The following DLGAP2 variants were observed in gnomAD, a reference collection of about 807,000 sequenced individuals.
DLGAP2 encodes the protein DLG associated protein 2, also known as disks large-associated protein 2.
DLGAP2 carries 26 observed loss-of-function variants against 100.3 expected under a neutral mutation model. That is an observed-to-expected ratio of 0.26 (90% CI 0.19 to 0.36). The LOEUF is 0.36. Among genes scored for constraint, DLGAP2 ranks in the 10% least tolerant of loss-of-function variants. The pLI is 1.00. For synonymous variants in DLGAP2, 886 were observed against 630.1 expected, an observed-to-expected ratio of 1.41 and a Z score of -6.08; for missense variants, 1,858 against 1,453.2, an observed-to-expected ratio of 1.28 and a Z score of -4.53.
intron 2 of DLGAP2, chr8:1,250,493 C>T (rs1799015118): frequency 6.6e-6 from 1 of 152,152 alleles, no homozygotes; most frequent in Non-Finnish European, 1.5e-5. Flanking sequence ...GAATGAATGT[C>T]TTCTCTGAGG....
chr8:1,070,143 G>A (rs1312807309), intron 2 of DLGAP2, among the ~76,000 whole-genome samples: 1 of 152,204 alleles, frequency 6.6e-6, no homozygotes, highest in Admixed American at 6.5e-5. Context: ...GGCATCTTGT[G>A]CACCTCTTTG....
intron 2 of DLGAP2, among the ~76,000 whole-genome samples, chr8:916,277 C>G (rs1281271767): frequency 6.6e-6 from 1 of 152,218 alleles, no homozygotes; most frequent in Admixed American, 6.5e-5. Flanking sequence ...GACACCAATG[C>G]TGATGTCACT....
chr8:1,447,052 A>G (rs1219502726), intron 3 of DLGAP2, among the ~76,000 whole-genome samples: 2 of 152,180 alleles, frequency 1.3e-5, no homozygotes, highest in African/African-American at 4.8e-5. Context: ...GGACAATTTG[A>G]CTTCCTCTTT....
At chr8:1,606,758 C>T (rs1010513859) in intron 6 of DLGAP2, among the ~76,000 whole-genome samples, 9 of 152,202 alleles carry the variant, frequency 5.9e-5, no homozygotes, top group African/African-American at 1.9e-4. Flanking sequence ...TCTCGGCTCA[C>T]TACAACCTCC....
At position 1,552,355 on chromosome 8, in the gene DLGAP2, T is replaced by G. The variant is rs140612614; in HGVS notation, c.1230+2672T>G. On this transcript the variant is annotated intron_variant, in intron 5 of 14. Transcript: ENST00000637795. ...ACATCCGCCTCCCAGTGAAACCACCTCTTCGGGGCATGCAGCTCGGTGACT... is the reference window on the plus strand; with the variant it reads ...ACATCCGCCTCCCAGTGAAACCACCGCTTCGGGGCATGCAGCTCGGTGACT... 1.0e-3 allele frequency among the ~76,000 whole-genome samples: 153 copies of G among 152,326 alleles called. 1 individual carries two copies. The South Asian group carries it at 0.01, about 10-fold the overall frequency.
chr8:1,086,686 G>A, intron 2 of DLGAP2, among the ~76,000 whole-genome samples: 1 of 151,958 alleles, frequency 6.6e-6, no homozygotes, highest in South Asian at 2.1e-4. Flanking sequence ...ATGATAAAGG[G>A]GTTAATTCAT....
intron 3 of DLGAP2, among the ~76,000 whole-genome samples, chr8:1,483,741 G>GTGGGGACCAGGGAGGCATGTGCAGGACA (rs1204249897): frequency 1.6e-4 from 24 of 151,368 alleles, no homozygotes; most frequent in African/African-American, 1.9e-4. Context: ...GGTGCAGAAT[G>GTGGGGACCAGGGAGGCATGTGCAGGACA]TGGGGACCAG....
At position 737,920 on chromosome 8, in the gene DLGAP2, C is replaced by T. The variant is rs1416227552; in HGVS notation, c.18+95C>T. The T allele has an allele frequency of 2.8e-5, 10 of 359,550 alleles. No individual in the cohort carries two copies. The East Asian group carries it at 3.7e-4, about 13-fold the overall frequency. The allele number at this position is 359,550 out of a possible 1,614,324, so 22.3% of individuals were successfully genotyped here. A position where few individuals can be genotyped will look rare whatever the true frequency, so the allele number is the denominator to read the frequency against. ...GGTGTGTCGGACCCGCGGGGACGCCCCGAGGGCGTCAGGGTTGGGGGCGGG... is the reference window on the plus strand; with the variant it reads ...GGTGTGTCGGACCCGCGGGGACGCCTCGAGGGCGTCAGGGTTGGGGGCGGG... On this transcript the variant is annotated intron_variant, in intron 1 of 14. Coordinates refer to ENST00000637795, the MANE Select transcript of DLGAP2 (RefSeq NM_001346810.2).
chr8:1,291,976 T>G (rs1384540404), intron 3 of DLGAP2, among the ~76,000 whole-genome samples: 1 of 152,176 alleles, frequency 6.6e-6, no homozygotes, highest in African/African-American at 2.4e-5. Flanking sequence ...TGTAGGGACA[T>G]GAGAGGCTTT....
intron 12 of DLGAP2, among the ~76,000 whole-genome samples, chr8:1,686,244 G>A (rs1394453528): frequency 2.0e-5 from 3 of 152,124 alleles, no homozygotes; most frequent in Non-Finnish European, 4.4e-5. Flanking sequence ...TATTCACAGT[G>A]GAATATTATT....
At chr8:1,363,637 G>A (rs1297934387) in intron 3 of DLGAP2, among the ~76,000 whole-genome samples, 1 of 152,210 alleles carries the variant, frequency 6.6e-6, no homozygotes, top group Non-Finnish European at 1.5e-5. Context: ...AATCTCCTCT[G>A]TCTTCTGGCC....
chr8:1,552,269 G>A (rs927823226), intron 5 of DLGAP2, among the ~76,000 whole-genome samples: 3 of 152,204 alleles, frequency 2.0e-5, no homozygotes, highest in Non-Finnish European at 2.9e-5. Context: ...GAGCAGCCAC[G>A]GCTTTCATGG....
chr8:923,273 G>C (rs372370541), intron 2 of DLGAP2, among the ~76,000 whole-genome samples: 27 of 152,326 alleles, frequency 1.8e-4, no homozygotes, highest in Non-Finnish European at 1.3e-4. Flanking sequence ...CTGTAAATGA[G>C]ACGGCTGGTC....
Position 1,024,213 on chromosome 8 carries a change from A to G in DLGAP2, c.73+116247A>G, listed in dbSNP as rs144775667. ...TTCCGTGCCGAGGTAGACACTCCAAACACCACCCACCCTCCCTGGAAGTGG... is the reference window on the plus strand; with the variant it reads ...TTCCGTGCCGAGGTAGACACTCCAAGCACCACCCACCCTCCCTGGAAGTGG... On this transcript the variant is annotated intron_variant, in intron 2 of 14. Transcript: ENST00000637795. Among the ~76,000 whole-genome samples, 7 of 54,312 alleles carry G rather than the reference A, an allele frequency of 1.3e-4. 1 individual carries two copies. In the Admixed American group the frequency reaches 1.6e-3, roughly 13 times the overall value. The allele number at this position is 54,312 out of a possible 152,430, so 35.6% of individuals were successfully genotyped here.
At chr8:1,351,307 A>C (rs1585288718) in intron 3 of DLGAP2, among the ~76,000 whole-genome samples, 1 of 70,258 alleles carries the variant, frequency 1.4e-5, no homozygotes, top group Non-Finnish European at 2.8e-5. Context: ...GCGGGTCCTG[A>C]GTGTGTGTGG....
At chr8:1,669,598 G>A (rs1798637409) in intron 9 of DLGAP2, 145 bp from the exon 10 acceptor site, 3 of 678,634 alleles carry the variant, frequency 4.4e-6, no homozygotes, top group Admixed American at 2.4e-5. Context: ...GGCGGCCCAG[G>A]GAGGAGGGTG....
At chr8:1,674,432 C>T (rs1013981309) in intron 10 of DLGAP2, among the ~76,000 whole-genome samples, 2 of 152,198 alleles carry the variant, frequency 1.3e-5, no homozygotes, top group Non-Finnish European at 2.9e-5. Flanking sequence ...CACCCTCATT[C>T]TCCCCAGGTG....
chr8:816,770 A>T (rs1323680640), intron 1 of DLGAP2, among the ~76,000 whole-genome samples: 1 of 152,208 alleles, frequency 6.6e-6, no homozygotes, highest in Admixed American at 6.5e-5. Flanking sequence ...CTAGATCTCT[A>T]GTAAAAACAG....
intron 6 of DLGAP2, among the ~76,000 whole-genome samples, chr8:1,579,750 G>A (rs750253863): frequency 6.6e-6 from 1 of 152,182 alleles, no homozygotes; most frequent in Non-Finnish European, 1.5e-5. Flanking sequence ...ATGCAAAGAC[G>A]TAAAAAATAC....
Sources: gnomAD v4.1 joint callset for allele counts (sites outside exome capture counted in the v4.1 genomes callset) on GRCh38, gnomAD v4.1.1 for gene constraint, MANE v1.5 for transcripts, NCBI Gene and HGNC (gene_info 2026-07-23, HGNC 2026-07-21) for gene names.